The following HCK variants were observed in gnomAD, a reference collection of about 807,000 sequenced individuals.
HCK encodes HCK proto-oncogene, Src family tyrosine kinase, also known as tyrosine-protein kinase HCK.
Under a neutral mutation model 70.4 loss-of-function variants are expected in HCK, and 40 were observed. The observed-to-expected ratio is 0.57, with a 90% CI of 0.44 to 0.74. HCK has a LOEUF of 0.74. Ranked by LOEUF, HCK falls within the 30% of genes least tolerant of loss-of-function variation. The pLI is 0.00. For missense variants in HCK, 568 were observed against 697.2 expected, an observed-to-expected ratio of 0.81 and a Z score of 2.09; for synonymous variants, 245 against 263.2, an observed-to-expected ratio of 0.93 and a Z score of 0.67.
intron 8 of HCK, among the ~76,000 whole-genome samples, chr20:32,085,882 G>T (rs2045778240): frequency 6.6e-6 from 1 of 152,198 alleles, no homozygotes; most frequent in Non-Finnish European, 1.5e-5. Flanking sequence ...GGGTGGACGA[G>T]GCTGGGTCAT....
chr20:32,077,595 C>T (rs942799752), intron 5 of HCK, among the ~76,000 whole-genome samples: 1 of 151,778 alleles, frequency 6.6e-6, no homozygotes, highest in Admixed American at 6.6e-5. Context: ...GGTGTGATCT[C>T]GGCTCACTGC....
At chr20:32,082,407 T>TGA (rs1195895181) in intron 6 of HCK, among the ~76,000 whole-genome samples, 1 of 152,082 alleles carries the variant, frequency 6.6e-6, no homozygotes, top group Non-Finnish European at 1.5e-5. Flanking sequence ...TTTGGGAGGC[T>TGA]GAGGCATGTG....
intron 12 of HCK, 106 bp downstream of exon 12, chr20:32,099,241 A>C: frequency 8.8e-7 from 1 of 1,139,914 alleles, no homozygotes; most frequent in Non-Finnish European, 1.3e-6. Context: ...CTCACCCCCA[A>C]CCTTCCCTCA....
chr20:32,079,397 C>T (rs190834038), intron 5 of HCK, among the ~76,000 whole-genome samples: 1 of 152,274 alleles, frequency 6.6e-6, no homozygotes, highest in Non-Finnish European at 1.5e-5. Flanking sequence ...GTTAAGACTG[C>T]TGTCTGTTTC....
chr20:32,064,485 G>T (rs1052360581), intron 1 of HCK, among the ~76,000 whole-genome samples: 2 of 152,210 alleles, frequency 1.3e-5, no homozygotes, highest in African/African-American at 4.8e-5. Flanking sequence ...GGAAAGAGCT[G>T]CAGCTTCTTC....
intron 10 of HCK, among the ~76,000 whole-genome samples, chr20:32,092,203 G>C (rs2045874235): frequency 6.6e-6 from 1 of 152,074 alleles, no homozygotes. Context: ...CCGGAGCACT[G>C]GAGTGCTGGG....
chr20:32,075,727 C>A (rs972372688), intron 5 of HCK, among the ~76,000 whole-genome samples: 1 of 152,126 alleles, frequency 6.6e-6, no homozygotes, highest in Non-Finnish European at 1.5e-5. Flanking sequence ...TCCATCCATC[C>A]ATCCATCCAT....
intron 5 of HCK, 45 bp from the exon 6 acceptor site, chr20:32,079,729 C>A: frequency 7.3e-7 from 1 of 1,370,180 alleles, no homozygotes; most frequent in Non-Finnish European, 1.0e-6. Flanking sequence ...CCGGACAGGA[C>A]TGCATGACCC....
At chr20:32,052,821 A>G (rs1291583608) in intron 1 of HCK, among the ~76,000 whole-genome samples, 2 of 150,732 alleles carry the variant, frequency 1.3e-5, no homozygotes, top group African/African-American at 2.4e-5. Flanking sequence ...TTAAAAAAGA[A>G]AAAGAAGGAA....
chr20:32,058,457 G>A lies in HCK; in HGVS notation c.62+5971G>A, dbSNP rs143482626. Among the ~76,000 whole-genome samples the A allele has an allele frequency of 3.0e-3, 455 of 151,778 alleles. 1 individual carries two copies. Among genetic ancestry groups the A allele is most frequent in the African/African-American group, 0.011 (435 of 41,362 alleles). ...CGAGGCAGGAGAATTGCTGGAACCC[G>A]GGAGGCACGGTTGCAGTGAGCCAAG... On this transcript the variant is annotated intron_variant, in intron 1 of 12. Transcript: ENST00000375852.
chr20:32,101,477 C>T lies in HCK; in HGVS notation c.1539C>T (p.Asp513=). 6.2e-7 allele frequency: 1 copy of T among 1,613,848 alleles called. No homozygotes were observed. Among genetic ancestry groups the T allele is most frequent in the East Asian group, 2.2e-5 (1 of 44,882 alleles). ...AATACATCCAGAGTGTGCTGGATGA[C>T]TTCTACACGGCCACAGAGAGCCAGT... is the stretch of plus-strand genomic sequence containing the variant. Residue 513 remains aspartate, a synonymous_variant, in exon 13 of 13, where the codon GAC becomes GAT. Transcript: ENST00000375852.
In HCK at chr20:32,084,426, C is replaced by G. The variant is rs774785497; in HGVS notation, c.718C>G (p.Pro240Ala). 8.7e-6 allele frequency: 14 copies of G among 1,613,836 alleles called. No homozygotes were observed. The highest frequency in any genetic ancestry group is 2.7e-5 in the African/African-American group (2 of 74,908). The change falls in exon 8 of 13, where the codon CCC (proline) becomes GCC (alanine). Residue 240 changes from proline to alanine, a missense_variant. By Grantham distance (27) the Pro-to-Ala change is conservative. Coordinates refer to ENST00000375852, the MANE Select transcript of HCK (RefSeq NM_002110.5). ...CGGGCTCTGCCAGAAACTGTCGGTGCCCTGCATGTCTTCCAAGCCCCAGAA... is the reference window on the plus strand; with the variant it reads ...CGGGCTCTGCCAGAAACTGTCGGTGGCCTGCATGTCTTCCAAGCCCCAGAA...
chr20:32,080,003 G>C, intron 6 of HCK, 126 bp downstream of exon 6: 1 of 698,938 alleles, frequency 1.4e-6, no homozygotes, highest in Admixed American at 2.3e-5. Flanking sequence ...GTGGCTGCCA[G>C]GTTTCTCCTG....
chr20:32,071,975 A>G (rs949657893), intron 2 of HCK, 193 bp downstream of exon 2: 1 of 646,428 alleles, frequency 1.5e-6, no homozygotes, highest in Non-Finnish European at 2.5e-6. Context: ...CAAAGAAGTC[A>G]TCTCTCTTTC....
intron 6 of HCK, among the ~76,000 whole-genome samples, chr20:32,080,492 T>C (rs2045694760): frequency 6.6e-6 from 1 of 152,124 alleles, no homozygotes; most frequent in Non-Finnish European, 1.5e-5. Context: ...CCACTGCGCC[T>C]GGCCTGTTTT....
chr20:32,056,085 A>G (rs1600700954), intron 1 of HCK, among the ~76,000 whole-genome samples: 1 of 152,258 alleles, frequency 6.6e-6, no homozygotes, highest in South Asian at 2.1e-4. Context: ...ATGGAAATTC[A>G]GGTTGTTTCC....
chr20:32,088,258 G>A (rs185165863), intron 9 of HCK, among the ~76,000 whole-genome samples: 20 of 152,192 alleles, frequency 1.3e-4, no homozygotes, highest in African/African-American at 4.6e-4. Context: ...CATTTAGTGC[G>A]ATTTGAAACC....
At position 32,093,909 on chromosome 20, in the gene HCK, G is replaced by A. The variant is rs759670290; in HGVS notation, c.1139G>A (p.Arg380Gln). Residue 380 changes from arginine to glutamine, a missense_variant, in exon 11 of 13, where the codon CGA (arginine) becomes CAA (glutamine). Physicochemically the swap from Arg to Gln is conservative, Grantham distance 43. Transcript: ENST00000375852. ...ATCGAGCAGAGGAACTACATCCACC[G>A]AGACCTCCGAGCTGCCAACATCTTG... 5 of 1,614,036 alleles carry A rather than the reference G, an allele frequency of 3.1e-6. No individual in the cohort carries two copies. Among genetic ancestry groups the A allele is most frequent in the Non-Finnish European group, 4.2e-6 (5 of 1,179,978 alleles).
At chr20:32,059,534 G>A (rs1286561085) in intron 1 of HCK, among the ~76,000 whole-genome samples, 2 of 134,340 alleles carry the variant, frequency 1.5e-5, no homozygotes, top group African/African-American at 5.6e-5. Flanking sequence ...TTTTCTTTTT[G>A]AGACAGGGTC....
Sources: gnomAD v4.1 joint callset for allele counts (sites outside exome capture counted in the v4.1 genomes callset) on GRCh38, gnomAD v4.1.1 for gene constraint, MANE v1.5 for transcripts, NCBI Gene and HGNC (gene_info 2026-07-23, HGNC 2026-07-21) for gene names.